Variants in PSD3 observed in about 807,000 individuals in gnomAD.
PSD3 encodes PH and SEC7 domain-containing protein 3.
A neutral mutation model predicts 105.5 loss-of-function variants in PSD3; 49 were observed. The observed-to-expected ratio is 0.46, with a 90% CI of 0.37 to 0.59. PSD3 has a LOEUF of 0.59. PSD3 is among the 20% of genes least tolerant of loss of function. The probability of loss-of-function intolerance (pLI) is 0.00; values close to 1 mark genes in which losing one functional copy is unlikely to be tolerated. For missense variants in PSD3, 1,561 were observed against 1,263.8 expected, an observed-to-expected ratio of 1.24 and a Z score of -3.57; for synonymous variants, 557 against 457.8, an observed-to-expected ratio of 1.22 and a Z score of -2.77.
intron 2 of PSD3, among the ~76,000 whole-genome samples, chr8:18,932,820 T>C (rs1444794507): frequency 6.6e-6 from 1 of 152,198 alleles, no homozygotes; most frequent in African/African-American, 2.4e-5. Flanking sequence ...CAATTTCTAT[T>C]TCCTGCTCAT....
intron 9 of PSD3, among the ~76,000 whole-genome samples, chr8:18,689,966 G>A (rs1371647861): frequency 6.6e-6 from 1 of 152,116 alleles, no homozygotes; most frequent in African/African-American, 2.4e-5. Flanking sequence ...TGAGACTTGG[G>A]CCCAGGTTTC....
Position 19,078,891 on chromosome 8 carries a change from G to T in PSD3, c.324+5315C>A, listed in dbSNP as rs145842329. ...GGGATCAGAGAAGACTGAAGAATGGGCAAGCAGAAGATAGCAGAGGAGAGA... is the reference window on the plus strand; with the variant it reads ...GGGATCAGAGAAGACTGAAGAATGGTCAAGCAGAAGATAGCAGAGGAGAGA... On this transcript the variant is annotated intron_variant, in intron 1 of 1. Coordinates refer to the PSD3 transcript ENST00000521475. Among the ~76,000 whole-genome samples the T allele has an allele frequency of 2.8e-3, 430 of 151,628 alleles. 3 individuals carry two copies. The highest frequency in any genetic ancestry group is 9.9e-3 in the African/African-American group (408 of 41,348).
At chr8:18,709,904 C>A (rs1563189345) in intron 9 of PSD3, among the ~76,000 whole-genome samples, 1 of 152,134 alleles carries the variant, frequency 6.6e-6, no homozygotes, top group Non-Finnish European at 1.5e-5. Flanking sequence ...AGAAAAAACA[C>A]TGAAAATTAA....
chr8:18,822,994 G>C (rs1812869886), intron 4 of PSD3, among the ~76,000 whole-genome samples: 1 of 151,312 alleles, frequency 6.6e-6, no homozygotes, highest in Non-Finnish European at 1.5e-5. Context: ...AGCTCTTGAA[G>C]TTTCAATTTA....
At chr8:18,588,569 T>C (rs1355297830) in intron 12 of PSD3, among the ~76,000 whole-genome samples, 2 of 152,180 alleles carry the variant, frequency 1.3e-5, no homozygotes, top group African/African-American at 2.4e-5. Flanking sequence ...TATTCACTCT[T>C]CATAAATGTA....
chr8:18,845,627 T>TG (rs1247888278), intron 4 of PSD3, among the ~76,000 whole-genome samples: 1 of 152,124 alleles, frequency 6.6e-6, no homozygotes, highest in Admixed American at 6.5e-5. Flanking sequence ...ACAGGCCTAC[T>TG]GCAGCATCAA....
intron 9 of PSD3, among the ~76,000 whole-genome samples, chr8:18,729,534 T>C (rs910811752): frequency 1.3e-5 from 2 of 152,064 alleles, no homozygotes; most frequent in African/African-American, 4.8e-5. Context: ...GCAACAACCA[T>C]AAAACGAATA....
chr8:18,653,338 C>A (rs769562678), intron 10 of PSD3, among the ~76,000 whole-genome samples: 21 of 147,290 alleles, frequency 1.4e-4, no homozygotes, highest in Non-Finnish European at 2.7e-4. Flanking sequence ...TATGTATATG[C>A]ATATGAACAA....
intron 4 of PSD3, among the ~76,000 whole-genome samples, chr8:18,825,880 C>G (rs1322992803): frequency 6.6e-6 from 1 of 152,144 alleles, no homozygotes; most frequent in Non-Finnish European, 1.5e-5. Context: ...GCAAAAAGGT[C>G]CTGGGATGGT....
At chr8:18,825,950 T>C (rs1228427707) in intron 4 of PSD3, among the ~76,000 whole-genome samples, 1 of 152,166 alleles carries the variant, frequency 6.6e-6, no homozygotes, top group Non-Finnish European at 1.5e-5. Flanking sequence ...TTAAACATTG[T>C]TTCTGGGTGT....
At chr8:18,552,576 C>T (rs184794345) in intron 15 of PSD3, among the ~76,000 whole-genome samples, 65 of 152,282 alleles carry the variant, frequency 4.3e-4, no homozygotes, top group Non-Finnish European at 3.7e-4. Flanking sequence ...AAACATCGAT[C>T]TGCCCCAGAA....
chr8:18,787,888 G>A (rs918285329), intron 8 of PSD3, among the ~76,000 whole-genome samples: 3 of 152,150 alleles, frequency 2.0e-5, no homozygotes, highest in African/African-American at 4.8e-5. Context: ...AGCAGGTTTC[G>A]TGAACTAAGG....
At chr8:18,937,596 A>C (rs62495888) in intron 1 of PSD3, among the ~76,000 whole-genome samples, 5 of 152,212 alleles carry the variant, frequency 3.3e-5, no homozygotes, top group Non-Finnish European at 5.9e-5. Context: ...GCAATTTCTT[A>C]AAAGAGCTCC....
rs144055465 is a variant in PSD3, at chr8:18,943,802, G to A, written c.22-7660C>T. Among the ~76,000 whole-genome samples, 1,160 of 152,086 alleles carry A rather than the reference G, an allele frequency of 7.6e-3. 17 individuals are homozygous for A. Among genetic ancestry groups the A allele is most frequent in the African/African-American group, 0.026 (1,092 of 41,514 alleles). ...CTACTGAAGTTAAAGATACCATAGC[G>A]GAAACTGGGATTTGTATGCTGGATG... On this transcript the variant is annotated intron_variant, in intron 1 of 15. Coordinates refer to ENST00000327040, the MANE Select transcript of PSD3 (RefSeq NM_015310.4).
At chr8:18,902,460 T>C (rs185449427) in intron 2 of PSD3, among the ~76,000 whole-genome samples, 5 of 152,384 alleles carry the variant, frequency 3.3e-5, no homozygotes, top group African/African-American at 9.6e-5. Flanking sequence ...AATTATTACT[T>C]TGAATTCATA....
chr8:18,957,123 A>G (rs1268955778), intron 1 of PSD3, among the ~76,000 whole-genome samples: 1 of 151,938 alleles, frequency 6.6e-6, no homozygotes, highest in Non-Finnish European at 1.5e-5. Flanking sequence ...TCTAATTCCA[A>G]CACTCTGGGA....
intron 1 of PSD3, among the ~76,000 whole-genome samples, chr8:18,952,036 T>C (rs762770155): frequency 1.3e-4 from 20 of 152,140 alleles, no homozygotes; most frequent in Non-Finnish European, 2.8e-4. Context: ...ATAAGACTGA[T>C]TCAGTCTCAC....
intron 1 of PSD3, among the ~76,000 whole-genome samples, chr8:18,965,524 AC>A (rs1824184548): frequency 6.6e-6 from 1 of 152,220 alleles, no homozygotes; most frequent in Admixed American, 6.5e-5. Context: ...CCCGGTTGCC[AC>A]TGTGACCATT....
At chr8:18,678,681 C>A (rs1009993458) in intron 9 of PSD3, among the ~76,000 whole-genome samples, 8 of 80,508 alleles carry the variant, frequency 9.9e-5, no homozygotes, top group Non-Finnish European at 1.2e-4. Flanking sequence ...CGTGGTGGCG[C>A]ATGCCTGTAA....
Sources: gnomAD v4.1 joint callset for allele counts (sites outside exome capture counted in the v4.1 genomes callset) on GRCh38, gnomAD v4.1.1 for gene constraint, MANE v1.5 for transcripts, NCBI Gene and HGNC (gene_info 2026-07-23, HGNC 2026-07-21) for gene names.